TANC1: variants seen among roughly 807,000 people sequenced by gnomAD.
The protein encoded by TANC1 is protein TANC1.
TANC1 carries 77 observed loss-of-function variants against 149.7 expected under a neutral mutation model. The ratio of observed to expected loss-of-function variants is 0.51; its 90% CI spans 0.43 to 0.62. The LOEUF is 0.62. Among genes scored for constraint, TANC1 ranks in the 20% least tolerant of loss-of-function variants. The probability of loss-of-function intolerance (pLI) is 0.00; values close to 1 mark genes in which losing one functional copy is unlikely to be tolerated. For missense variants in TANC1, 1,985 were observed against 2,321.8 expected, an observed-to-expected ratio of 0.85 and a Z score of 2.98; for synonymous variants, 854 against 925.0, an observed-to-expected ratio of 0.92 and a Z score of 1.39.
chr2:159,079,048 G>A (rs2043982108), intron 3 of TANC1, among the ~76,000 whole-genome samples: 1 of 152,058 alleles, frequency 6.6e-6, no homozygotes, highest in Non-Finnish European at 1.5e-5. Context: ...TATATTTGTA[G>A]AGATATTTAG....
chr2:159,200,385 C>T (rs2058159691), intron 19 of TANC1, among the ~76,000 whole-genome samples: 1 of 152,198 alleles, frequency 6.6e-6, no homozygotes, highest in South Asian at 2.1e-4. Context: ...GCAGAGCTGT[C>T]TAGAAAGCCT....
chr2:159,184,682 C>T lies in TANC1; in HGVS notation c.2511-1109C>T, dbSNP rs375391829. On this transcript the variant is annotated intron_variant, in intron 14 of 26. Coordinates refer to ENST00000263635, the MANE Select transcript of TANC1 (RefSeq NM_033394.3). ...TAGAGCACTAGAGAGATGCTGACAG[C>T]GGTTTCCATGGGAATAAGGGAGGAG... Among the ~76,000 whole-genome samples, 18 of 152,192 alleles carry T rather than the reference C, an allele frequency of 1.2e-4. 1 individual carries two copies. The Middle Eastern group carries it at 0.01, about 86-fold the overall frequency.
At chr2:159,129,993 T>C (rs1283250621) in intron 4 of TANC1, among the ~76,000 whole-genome samples, 2 of 152,008 alleles carry the variant, frequency 1.3e-5, no homozygotes, top group Non-Finnish European at 2.9e-5. Flanking sequence ...ATTTGAAGCC[T>C]GTGCACGTTA....
Position 158,988,339 on chromosome 2 carries a change from A to G in TANC1, c.-125-12741A>G, listed in dbSNP as rs567838002. Among the ~76,000 whole-genome samples, 333 of 151,964 alleles carry G rather than the reference A, an allele frequency of 2.2e-3. 1 individual carries two copies. Among genetic ancestry groups the G allele is most frequent in the Non-Finnish European group, 3.7e-3 (253 of 67,960 alleles). On this transcript the variant is annotated intron_variant, in intron 1 of 26. Coordinates refer to ENST00000263635, the MANE Select transcript of TANC1 (RefSeq NM_033394.3). ...AGACCCTGTCCCAAAAAAAAAAAAA[A>G]AAAAGAAAAAGTGTTTTCGTTTTGT...
chr2:158,975,595 CAG>C (rs1175525397), intron 1 of TANC1, among the ~76,000 whole-genome samples: 1 of 148,894 alleles, frequency 6.7e-6, no homozygotes, highest in Non-Finnish European at 1.5e-5. Context: ...TTGTCGGTGT[CAG>C]GGGTGTAGGA....
chr2:159,136,839 TTATATG>T (rs74267498), intron 5 of TANC1, among the ~76,000 whole-genome samples: 5,093 of 151,764 alleles, frequency 0.034, 98 homozygotes, highest in Non-Finnish European at 0.046. Context: ...TAAAGACATT[TTATATG>T]TATATGTATT....
chr2:159,204,564 C>G (rs1012917675), intron 19 of TANC1, among the ~76,000 whole-genome samples: 6 of 152,176 alleles, frequency 3.9e-5, no homozygotes, highest in African/African-American at 1.4e-4. Context: ...CCTGCCCTGT[C>G]GTGGTCACCT....
intron 2 of TANC1, among the ~76,000 whole-genome samples, chr2:159,062,586 T>C (rs533733376): frequency 6.6e-6 from 1 of 152,282 alleles, no homozygotes; most frequent in East Asian, 1.9e-4. Context: ...CATTGAGGAA[T>C]TTACCACTGC....
At chr2:159,010,484 A>G (rs2037642370) in intron 2 of TANC1, among the ~76,000 whole-genome samples, 1 of 152,224 alleles carries the variant, frequency 6.6e-6, no homozygotes, top group South Asian at 2.1e-4. Flanking sequence ...AGGAGAATGC[A>G]AACTTGCCCT....
intron 19 of TANC1, among the ~76,000 whole-genome samples, chr2:159,202,854 A>C (rs1425017028): frequency 6.6e-6 from 1 of 152,136 alleles, no homozygotes; most frequent in Non-Finnish European, 1.5e-5. Flanking sequence ...TGCCTCCCAG[A>C]AAGTTCTGGC....
At chr2:159,100,360 A>G (rs1443803400) in intron 4 of TANC1, among the ~76,000 whole-genome samples, 2 of 152,228 alleles carry the variant, frequency 1.3e-5, no homozygotes, top group Non-Finnish European at 2.9e-5. Context: ...GGTTACAGGC[A>G]TGGAGGCAGA....
chr2:159,107,822 C>T (rs535330786), intron 4 of TANC1, among the ~76,000 whole-genome samples: 2 of 152,310 alleles, frequency 1.3e-5, no homozygotes, highest in East Asian at 3.9e-4. Context: ...TCCTTTTGCT[C>T]CGAGCATCTG....
At chr2:159,121,535 T>C (rs901111882) in intron 4 of TANC1, among the ~76,000 whole-genome samples, 3 of 152,198 alleles carry the variant, frequency 2.0e-5, no homozygotes, top group African/African-American at 7.2e-5. Context: ...GGTTTCGCCA[T>C]GTTGGCCATG....
Position 159,178,569 on chromosome 2 carries a change from C to G in TANC1, c.1916C>G (p.Ala639Gly). ...VRANFQEIISALPFVKLSLDD... is the reference protein window; with the variant it reads ...VRANFQEIISGLPFVKLSLDD... The stretch of plus-strand genomic sequence containing the variant: ...TTTCTCCCCCAGGAAATCATAAGTG[C>G]GCTGCCATTTGTCAAGCTTTCCTTA... Residue 639 changes from alanine (A) to glycine (G), a missense_variant, in exon 14 of 27, where the codon GCG (alanine) becomes GGG (glycine). Coordinates refer to ENST00000263635, the MANE Select transcript of TANC1 (RefSeq NM_033394.3). The G allele has an allele frequency of 2.5e-6, 4 of 1,579,816 alleles. No homozygotes were observed. The South Asian group carries it at 4.7e-5, about 19-fold the overall frequency.
chr2:159,230,869 C>G lies in TANC1; in HGVS notation c.5443C>G (p.Gln1815Glu), dbSNP rs367639831. The G allele has an allele frequency of 6.2e-6, 10 of 1,614,072 alleles. No homozygotes were observed. Among genetic ancestry groups the G allele is most frequent in the African/African-American group, 1.3e-5 (1 of 74,928 alleles). The change falls in exon 27 of 27, where the codon CAA (glutamine) becomes GAA (glutamate). Residue 1815 changes from glutamine to glutamate, a missense_variant. Gln to Glu is a conservative substitution (Grantham distance 29). Around this residue, in one of 3 missense-constraint regions of TANC1, gnomAD observed 920 missense variants for 994.7 expected, o/e 0.92. Coordinates refer to ENST00000263635, the MANE Select transcript of TANC1 (RefSeq NM_033394.3). The surrounding 1 kb of genome is among the most constrained non-coding windows in gnomAD (Gnocchi z 4.4). ...CAAGTGCCAAATTCCAGTCCACTCT[C>G]AAGAGAACAGGATAACTAAGACTGT... ...ESKCQIPVHS[Q>E]ENRITKTVSH...
At chr2:159,117,779 A>G (rs1000963441) in intron 4 of TANC1, among the ~76,000 whole-genome samples, 16 of 139,744 alleles carry the variant, frequency 1.1e-4, no homozygotes, top group African/African-American at 4.4e-4. Flanking sequence ...CCGAGAGGAC[A>G]CCATATTGCA....
At chr2:159,136,137 C>T (rs1390778338) in intron 4 of TANC1, 57 bp from the exon 5 acceptor site, 2 of 1,052,774 alleles carry the variant, frequency 1.9e-6, no homozygotes, top group East Asian at 2.4e-5. Flanking sequence ...CTGTACATTC[C>T]AAGGCTTTGT....
chr2:159,107,408 T>G (rs1192910485), intron 4 of TANC1, among the ~76,000 whole-genome samples: 2 of 152,334 alleles, frequency 1.3e-5, no homozygotes, highest in Admixed American at 1.3e-4. Flanking sequence ...TGATGTCATG[T>G]CCTAGTAACC....
At chr2:158,983,291 C>T (rs896494727) in intron 1 of TANC1, among the ~76,000 whole-genome samples, 1 of 151,804 alleles carries the variant, frequency 6.6e-6, no homozygotes, top group African/African-American at 2.4e-5. Context: ...CACAGTGAAA[C>T]CCCGTCTCTA....
Sources: allele counts gnomAD v4.1 joint callset (sites outside exome capture counted in the v4.1 genomes callset), GRCh38; gene constraint gnomAD v4.1.1; regional missense constraint gnomAD v4.1.1; non-coding constraint Gnocchi (gnomAD v3.1); transcripts MANE v1.5; gene names NCBI Gene and HGNC (gene_info 2026-07-23, HGNC 2026-07-21).